Variants in ANKS1B observed in about 807,000 individuals in gnomAD.
The protein encoded by ANKS1B is ankyrin repeat and sterile alpha motif domain-containing protein 1B.
A neutral mutation model predicts 148.3 loss-of-function variants in ANKS1B; 36 were observed. That is an observed-to-expected ratio of 0.24 (90% CI 0.19 to 0.32). The LOEUF is 0.32. Among genes scored for constraint, ANKS1B ranks in the 10% least tolerant of loss-of-function variants. The pLI is 1.00. For synonymous variants in ANKS1B, 542 were observed against 560.8 expected (o/e 0.97, Z 0.47); for missense variants, 1,157 against 1,542.6 (o/e 0.75, Z 4.19).
At chr12:99,712,127 A>C (rs1237402585) in intron 8 of ANKS1B, among the ~76,000 whole-genome samples, 1 of 152,220 alleles carries the variant, frequency 6.6e-6, no homozygotes, top group Non-Finnish European at 1.5e-5. Context: ...TCGCACTTAC[A>C]AGTGGGAGCT....
intron 11 of ANKS1B, among the ~76,000 whole-genome samples, chr12:99,414,876 G>T (rs2094845136): frequency 6.6e-6 from 1 of 152,190 alleles, no homozygotes; most frequent in East Asian, 1.9e-4. Flanking sequence ...TTTTTTAAAA[G>T]TGTTAAGTCT....
chr12:98,970,190 TTTTC>T (rs1171564481), intron 17 of ANKS1B, among the ~76,000 whole-genome samples: 1 of 152,260 alleles, frequency 6.6e-6, no homozygotes, highest in Non-Finnish European at 1.5e-5. Flanking sequence ...TTCCATCATT[TTTTC>T]TTTATGATAG....
chr12:99,583,354 A>G (rs77336109), intron 9 of ANKS1B, among the ~76,000 whole-genome samples: 2,842 of 152,302 alleles, frequency 0.019, 82 homozygotes, highest in South Asian at 0.075. Flanking sequence ...GTAGGTCTTC[A>G]GGATAGAATG....
intron 10 of ANKS1B, among the ~76,000 whole-genome samples, chr12:99,446,715 A>C (rs1479361834): frequency 6.6e-6 from 1 of 152,086 alleles, no homozygotes; most frequent in Admixed American, 6.6e-5. Flanking sequence ...TCTACTTCAA[A>C]ATATAGTTGA....
intron 17 of ANKS1B, among the ~76,000 whole-genome samples, chr12:98,995,925 C>T (rs975015829): frequency 2.0e-5 from 3 of 152,156 alleles, no homozygotes; most frequent in Non-Finnish European, 1.5e-5. Context: ...GCTTCACAGA[C>T]AGTCAGAGGG....
chr12:99,869,138 C>G (rs569063365), intron 1 of ANKS1B, among the ~76,000 whole-genome samples: 1 of 152,106 alleles, frequency 6.6e-6, no homozygotes, highest in South Asian at 2.1e-4. Flanking sequence ...CTGAAAATGT[C>G]AATTTCTCCA....
intron 4 of ANKS1B, among the ~76,000 whole-genome samples, chr12:99,792,177 C>A (rs1296156117): frequency 6.6e-6 from 1 of 151,908 alleles, no homozygotes; most frequent in East Asian, 1.9e-4. Flanking sequence ...TACATACAAT[C>A]TACTAAAATT....
chr12:99,191,491 T>C (rs1178608236), intron 14 of ANKS1B, among the ~76,000 whole-genome samples: 1 of 152,188 alleles, frequency 6.6e-6, no homozygotes, highest in African/African-American at 2.4e-5. Context: ...GTGGCACATA[T>C]ACACCATGTA....
intron 9 of ANKS1B, among the ~76,000 whole-genome samples, chr12:99,637,313 GTAA>G (rs1457519293): frequency 6.6e-6 from 1 of 152,046 alleles, no homozygotes; most frequent in African/African-American, 2.4e-5. Flanking sequence ...TCAGAAAATA[GTAA>G]TAATAATAAT....
chr12:99,436,833 A>G (rs1264824730), intron 11 of ANKS1B, among the ~76,000 whole-genome samples: 1 of 151,888 alleles, frequency 6.6e-6, no homozygotes, highest in Admixed American at 6.6e-5. Flanking sequence ...TCCTCCAATC[A>G]TCTCCTTTAG....
intron 4 of ANKS1B, among the ~76,000 whole-genome samples, chr12:99,803,379 T>A (rs761215811): frequency 3.0e-4 from 43 of 142,796 alleles, no homozygotes; most frequent in Non-Finnish European, 5.4e-4. Context: ...AGGCTAAATA[T>A]ATTATGGAAG....
At chr12:99,429,510 G>C (rs1594652301) in intron 11 of ANKS1B, among the ~76,000 whole-genome samples, 1 of 152,174 alleles carries the variant, frequency 6.6e-6, no homozygotes, top group African/African-American at 2.4e-5. Context: ...CTAGAAGAAT[G>C]TATGATTCTA....
intron 14 of ANKS1B, chr12:99,155,146 T>A: frequency 6.8e-7 from 1 of 1,477,990 alleles, no homozygotes; most frequent in Non-Finnish European, 8.9e-7. Context: ...ATGCGAAGCT[T>A]GAACTATAGC....
rs755964657 is a variant in ANKS1B at position 99,504,448 on chromosome 12, C to A, written c.1438+28G>T. 15 of 1,594,038 alleles carry A rather than the reference C, an allele frequency of 9.4e-6. No homozygotes were observed. The Admixed American group carries it at 2.6e-4, about 27-fold the overall frequency. On this transcript the variant is annotated intron_variant, in intron 10 of 26. Transcript: ENST00000683438. ...ATATGAATAAGCAAGTAAATTGAAT[C>A]AGGCCAATTGTGAGTAAGAGATATT...
intron 14 of ANKS1B, among the ~76,000 whole-genome samples, chr12:99,240,494 G>A (rs573238767): frequency 6.6e-6 from 1 of 152,140 alleles, no homozygotes; most frequent in Non-Finnish European, 1.5e-5. Flanking sequence ...GCCAATATTA[G>A]ACAGATCAAT....
chr12:99,306,921 T>C (rs1262368610), intron 12 of ANKS1B, among the ~76,000 whole-genome samples: 1 of 152,070 alleles, frequency 6.6e-6, no homozygotes, highest in African/African-American at 2.4e-5. Context: ...CCTCTGGAGA[T>C]CATGCTGCAT....
At position 98,885,956 on chromosome 12, in the gene ANKS1B, G is replaced by A. The variant is rs565733514; in HGVS notation, c.2779-53820C>T. ...AAAGCTGCCCAGGCACCAGCAAGAT[G>A]AAAAGAAATAGCACGGCAGATATGC... On this transcript the variant is annotated intron_variant, in intron 17 of 26. Transcript: ENST00000683438. Among the ~76,000 whole-genome samples, 3 of 152,122 alleles carry A rather than the reference G, an allele frequency of 2.0e-5. No individual in the cohort carries two copies. The East Asian group carries it at 5.8e-4, about 29-fold the overall frequency.
chr12:99,978,823 T>C (rs914331735), intron 1 of ANKS1B, among the ~76,000 whole-genome samples: 2 of 152,204 alleles, frequency 1.3e-5, no homozygotes, highest in Non-Finnish European at 2.9e-5. Context: ...TGATCTACTT[T>C]TTCACATGGG....
At chr12:99,225,441 C>T (rs2085761179) in intron 14 of ANKS1B, among the ~76,000 whole-genome samples, 1 of 151,988 alleles carries the variant, frequency 6.6e-6, no homozygotes, top group South Asian at 2.1e-4. Context: ...TACTGAATGT[C>T]AATTTGATTG....
Sources: allele counts gnomAD v4.1 joint callset (sites outside exome capture counted in the v4.1 genomes callset), GRCh38; gene constraint gnomAD v4.1.1; transcripts MANE v1.5; gene names NCBI Gene and HGNC (gene_info 2026-07-23, HGNC 2026-07-21).